SCN8A: variants seen among roughly 807,000 people sequenced by gnomAD.
SCN8A encodes the protein sodium voltage-gated channel alpha subunit 8.
In SCN8A, 30 loss-of-function variants were observed where a neutral mutation model predicts 184.1. The ratio of observed to expected loss-of-function variants is 0.16; its 90% CI spans 0.12 to 0.22. The LOEUF (loss-of-function observed/expected upper bound fraction) is 0.22. Among genes scored for constraint, SCN8A ranks in the 10% least tolerant of loss-of-function variants. The pLI is 1.00. For missense variants in SCN8A, 1,057 were observed against 2,498.9 expected, an observed-to-expected ratio of 0.42 and a Z score of 12.30; for synonymous variants, 852 against 907.0, an observed-to-expected ratio of 0.94 and a Z score of 1.09.
In SCN8A at chr12:51,696,890, T is replaced by C. The variant is rs150770857; in HGVS notation, c.707-2680T>C. On this transcript the variant is annotated intron_variant, in intron 6 of 26. Coordinates refer to ENST00000627620, the MANE Select transcript of SCN8A (RefSeq NM_001330260.2). ...TGCTAAAAAAAAAAAATACAAAATT[T>C]AGCCAGGGCATGGTGGCGGGCACCT... is the stretch of plus-strand genomic sequence containing the variant. Among the ~76,000 whole-genome samples, 587 of 151,672 alleles carry C rather than the reference T, an allele frequency of 3.9e-3. 5 individuals are homozygous for C. Among genetic ancestry groups the C allele is most frequent in the African/African-American group, 0.014 (559 of 41,354 alleles).
intron 1 of SCN8A, among the ~76,000 whole-genome samples, chr12:51,628,495 A>G (rs895450493): frequency 6.6e-6 from 1 of 152,188 alleles, no homozygotes; most frequent in African/African-American, 2.4e-5. Flanking sequence ...AGCAATCTTT[A>G]TGGAGATGTG....
intron 19 of SCN8A, among the ~76,000 whole-genome samples, chr12:51,773,506 A>G (rs1185148624): frequency 1.3e-5 from 2 of 152,228 alleles, no homozygotes; most frequent in Non-Finnish European, 2.9e-5. Flanking sequence ...TTTCTTTTAT[A>G]TATAGTATTG....
At chr12:51,622,530 T>C (rs1939985297) in intron 1 of SCN8A, among the ~76,000 whole-genome samples, 1 of 152,180 alleles carries the variant, frequency 6.6e-6, no homozygotes, top group Non-Finnish European at 1.5e-5. Flanking sequence ...CAATTTAGGT[T>C]TGTATGATGT....
intron 12 of SCN8A, among the ~76,000 whole-genome samples, chr12:51,732,311 A>G (rs1175409582): frequency 1.3e-5 from 2 of 152,178 alleles, no homozygotes; most frequent in Non-Finnish European, 2.9e-5. Flanking sequence ...TCCCAGAACC[A>G]TTTATTGATG....
chr12:51,605,858 T>G (rs1296664077), intron 1 of SCN8A, among the ~76,000 whole-genome samples: 2 of 141,716 alleles, frequency 1.4e-5, no homozygotes, highest in Non-Finnish European at 2.9e-5. Flanking sequence ...ATGTTGAGCA[T>G]TTTTTCATAT....
intron 16 of SCN8A, among the ~76,000 whole-genome samples, chr12:51,767,175 C>G (rs1942851176): frequency 6.6e-6 from 1 of 152,242 alleles, no homozygotes. Flanking sequence ...CTCACTACTT[C>G]AGTGACTATA....
intron 5 of SCN8A, among the ~76,000 whole-genome samples, 185 bp downstream of exon 5, chr12:51,687,404 C>T (rs1941436273): frequency 6.6e-6 from 1 of 151,924 alleles, no homozygotes; most frequent in Non-Finnish European, 1.5e-5. Flanking sequence ...GTGGTTCAGG[C>T]GATGATAATG....
Position 51,721,677 on chromosome 12 carries a change from C to T in SCN8A, c.1767C>T (p.Ser589=), listed in dbSNP as rs1410355284. 1 of 1,600,000 alleles carries T rather than the reference C, an allele frequency of 6.3e-7. No homozygotes were observed. Among genetic ancestry groups the T allele is most frequent in the Admixed American group, 1.7e-5 (1 of 57,420 alleles). Residue 589 remains serine (S), a synonymous_variant, in exon 12 of 27, where the codon AGC becomes AGT. Transcript: ENST00000627620. ...SENEFADDEH[S]TVEESEGRRD... ...ATGAGTTCGCGGATGACGAGCACAG[C>T]ACGGTGGAGGAGAGCGAGGGCCGCC...
intron 19 of SCN8A, among the ~76,000 whole-genome samples, chr12:51,771,364 A>T (rs1334793551): frequency 1.3e-5 from 2 of 152,136 alleles, no homozygotes; most frequent in Admixed American, 6.5e-5. Flanking sequence ...AAGAATGCAT[A>T]ATGTTGAAGT....
intron 1 of SCN8A, among the ~76,000 whole-genome samples, chr12:51,648,406 CT>C (rs1384156094): frequency 1.3e-5 from 2 of 152,108 alleles, no homozygotes; most frequent in African/African-American, 4.8e-5. Flanking sequence ...GTGGGTAGTC[CT>C]GTTTCTTTTA....
chr12:51,646,649 A>G (rs942812358), intron 1 of SCN8A, among the ~76,000 whole-genome samples: 14 of 152,264 alleles, frequency 9.2e-5, no homozygotes, highest in African/African-American at 2.9e-4. Flanking sequence ...AATCAAGGAA[A>G]CTGGTGAAGA....
intron 16 of SCN8A, 128 bp from the exon 17 acceptor site, chr12:51,768,737 G>A (rs1592151229): frequency 1.4e-6 from 1 of 699,416 alleles, no homozygotes; most frequent in Non-Finnish European, 2.3e-6. Flanking sequence ...TACTACGTGG[G>A]CCAAACACAA....
chr12:51,745,641 G>A (rs961525484), intron 12 of SCN8A, among the ~76,000 whole-genome samples: 1 of 152,200 alleles, frequency 6.6e-6, no homozygotes, highest in Non-Finnish European at 1.5e-5. Flanking sequence ...AATGAACCAG[G>A]TGAGATGTTT....
At chr12:51,721,095 A>G (rs1942048450) in intron 11 of SCN8A, among the ~76,000 whole-genome samples, 1 of 73,146 alleles carries the variant, frequency 1.4e-5, no homozygotes, top group Non-Finnish European at 3.2e-5. Flanking sequence ...ATATATATAT[A>G]TATATATATA....
chr12:51,752,244 A>G (rs1327469285), intron 14 of SCN8A, among the ~76,000 whole-genome samples: 1 of 152,196 alleles, frequency 6.6e-6, no homozygotes, highest in African/African-American at 2.4e-5. Context: ...TTGAATTTTG[A>G]TAGATAGTAA....
intron 14 of SCN8A, among the ~76,000 whole-genome samples, chr12:51,758,978 A>G (rs1222037431): frequency 6.8e-6 from 1 of 146,254 alleles, no homozygotes; most frequent in Admixed American, 6.6e-5. Flanking sequence ...ACATGTATGT[A>G]TGTATATGTG....
chr12:51,631,229 G>T (rs1425103054), intron 1 of SCN8A, among the ~76,000 whole-genome samples: 1 of 152,186 alleles, frequency 6.6e-6, no homozygotes, highest in Non-Finnish European at 1.5e-5. Flanking sequence ...TGTCACAGGG[G>T]TCATTGCTCA....
intron 11 of SCN8A, among the ~76,000 whole-genome samples, chr12:51,707,541 T>C (rs980438942): frequency 1.3e-5 from 2 of 152,146 alleles, no homozygotes; most frequent in Non-Finnish European, 2.9e-5. Flanking sequence ...TTATTTTCAC[T>C]GACAGCCGAT....
chr12:51,776,749 C>A (rs1444058368), intron 20 of SCN8A, among the ~76,000 whole-genome samples: 8 of 152,216 alleles, frequency 5.3e-5, no homozygotes, highest in African/African-American at 1.9e-4. Flanking sequence ...TGTCTGATTT[C>A]TTTGGCATTT....
Sources: allele counts gnomAD v4.1 joint callset (sites outside exome capture counted in the v4.1 genomes callset), GRCh38; gene constraint gnomAD v4.1.1; transcripts MANE v1.5; gene names NCBI Gene and HGNC (gene_info 2026-07-23, HGNC 2026-07-21).